Variants in LMX1B observed in about 807,000 individuals in gnomAD.
LMX1B encodes the protein LIM homeobox transcription factor 1 beta, also known as LIM homeobox transcription factor 1-beta.
A neutral mutation model predicts 51.4 loss-of-function variants in LMX1B; 12 were observed. The observed-to-expected ratio is 0.23, with a 90% CI of 0.15 to 0.38. LMX1B has a LOEUF of 0.38. Ranked by LOEUF, LMX1B falls within the 10% of genes least tolerant of loss-of-function variation. The pLI, the probability that LMX1B is intolerant of heterozygous loss-of-function variation, is 1.00. For synonymous variants in LMX1B, 237 were observed against 235.4 expected (o/e 1.01, Z -0.06); for missense variants, 445 against 571.1 (o/e 0.78, Z 2.25).
intron 2 of LMX1B, among the ~76,000 whole-genome samples, chr9:126,655,492 C>T (rs1253179813): frequency 6.6e-6 from 1 of 152,092 alleles, no homozygotes; most frequent in Admixed American, 6.5e-5. Context: ...GAGTGGAATC[C>T]CGGCTTTGTC....
intron 2 of LMX1B, among the ~76,000 whole-genome samples, chr9:126,646,583 G>T (rs932699291): frequency 2.6e-5 from 4 of 152,230 alleles, no homozygotes; most frequent in Non-Finnish European, 4.4e-5. Flanking sequence ...AGGTGGCCAG[G>T]TGCAGCCTGC....
chr9:126,669,596 T>G (rs1222356071), intron 2 of LMX1B, among the ~76,000 whole-genome samples: 2 of 152,200 alleles, frequency 1.3e-5, no homozygotes, highest in East Asian at 3.9e-4. Context: ...TGTGAGTGTA[T>G]ACCTGGGCTT....
At chr9:126,614,946 A>G (rs1006971107) in intron 1 of LMX1B, among the ~76,000 whole-genome samples, 4 of 152,078 alleles carry the variant, frequency 2.6e-5, no homozygotes, top group African/African-American at 9.7e-5. Context: ...ATTCTAAGAG[A>G]AAAACGTCTC....
Position 126,673,528 on chromosome 9 carries a change from A to C in LMX1B, c.327-17308A>C, listed in dbSNP as rs925028942. The stretch of plus-strand genomic sequence containing the variant: ...ACCATCAGGGAGGTGGAGATGGACA[A>C]GGGAACACAGATTTGGGGCCAAACA... On this transcript the variant is annotated intron_variant, in intron 2 of 7. Coordinates refer to ENST00000373474, the MANE Select transcript of LMX1B (RefSeq NM_001174147.2). This position sits in a 1 kb window ranked among gnomAD's most constrained non-coding sequence, Gnocchi z 4.4. 2.0e-5 allele frequency among the ~76,000 whole-genome samples: 3 copies of C among 152,154 alleles called. No homozygotes were observed. Among genetic ancestry groups the C allele is most frequent in the Admixed American group, 1.3e-4 (2 of 15,282 alleles).
chr9:126,615,005 A>C lies in LMX1B; in HGVS notation c.140-378A>C, dbSNP rs2118821640. Among the ~76,000 whole-genome samples, 1 of 152,254 alleles carries C rather than the reference A, an allele frequency of 6.6e-6. No individual in the cohort carries two copies. The highest frequency in any genetic ancestry group is 2.1e-4 in the South Asian group (1 of 4,832). ...TTGGGGAGATCGGGGATAGAAGACC[A>C]CGAACGCCACCGTGGGGCGTGTCAG... On this transcript the variant is annotated intron_variant, in intron 1 of 7. Transcript: ENST00000373474. This position sits in a 1 kb window ranked among gnomAD's most constrained non-coding sequence, Gnocchi z 6.0.
Position 126,658,915 on chromosome 9 carries a change from G to C in LMX1B, c.327-31921G>C, listed in dbSNP as rs372156860. ...CATGAGAAGTCCATACTGGAGGCAA[G>C]AGGCACCCAGAAGCCCCACATAGGA... On this transcript the variant is annotated intron_variant, in intron 2 of 7. Transcript: ENST00000373474. This position sits in a 1 kb window ranked among gnomAD's most constrained non-coding sequence, Gnocchi z 4.0. 2.0e-5 allele frequency among the ~76,000 whole-genome samples: 3 copies of C among 152,192 alleles called. No individual in the cohort carries two copies. Among genetic ancestry groups the C allele is most frequent in the East Asian group, 3.9e-4 (2 of 5,192 alleles).
chr9:126,647,028 CTT>C (rs1225293411), intron 2 of LMX1B, among the ~76,000 whole-genome samples: 1 of 152,216 alleles, frequency 6.6e-6, no homozygotes, highest in Admixed American at 6.5e-5. Flanking sequence ...TGAGATCACT[CTT>C]TTGACCAAAT....
In LMX1B at chr9:126,625,292, G is replaced by A. The variant is rs1196874256; in HGVS notation, c.326+9723G>A. Among the ~76,000 whole-genome samples the A allele has an allele frequency of 1.3e-5, 2 of 152,206 alleles. No individual in the cohort carries two copies. Among genetic ancestry groups the A allele is most frequent in the Non-Finnish European group, 2.9e-5 (2 of 68,048 alleles). On this transcript the variant is annotated intron_variant, in intron 2 of 7. Coordinates refer to ENST00000373474, the MANE Select transcript of LMX1B (RefSeq NM_001174147.2). This position sits in a 1 kb window ranked among gnomAD's most constrained non-coding sequence, Gnocchi z 5.3. ...GGGGCGGGGGAAGGGGTGGTTTTGCGGGTGCCTTAATTGGCAGCGTCTGGA... is the reference window on the plus strand; with the variant it reads ...GGGGCGGGGGAAGGGGTGGTTTTGCAGGTGCCTTAATTGGCAGCGTCTGGA...
intron 2 of LMX1B, among the ~76,000 whole-genome samples, chr9:126,681,758 G>T (rs552239334): frequency 6.6e-6 from 1 of 152,046 alleles, no homozygotes; most frequent in Non-Finnish European, 1.5e-5. Context: ...AAAATTAGCC[G>T]AGTGTGGTGG....
Position 126,649,787 on chromosome 9 carries a change from T to C in LMX1B, c.326+34218T>C, listed in dbSNP as rs137982979. Among the ~76,000 whole-genome samples, 1,037 of 152,230 alleles carry C rather than the reference T, an allele frequency of 6.8e-3. 4 individuals carry two copies. Among genetic ancestry groups the C allele is most frequent in the Non-Finnish European group, 0.011 (747 of 68,010 alleles). ...GACTATGGGCATATGCCACCATGCC[T>C]GGCTAATTTTTGTATTTTTGTGTAG... On this transcript the variant is annotated intron_variant, in intron 2 of 7. Coordinates refer to ENST00000373474, the MANE Select transcript of LMX1B (RefSeq NM_001174147.2).
chr9:126,629,395 A>G (rs1835594625), intron 2 of LMX1B, among the ~76,000 whole-genome samples: 2 of 152,194 alleles, frequency 1.3e-5, no homozygotes, highest in Admixed American at 6.5e-5. Context: ...CCATTCTTTA[A>G]TGACACTACG....
intron 2 of LMX1B, among the ~76,000 whole-genome samples, chr9:126,627,894 C>T (rs897050012): frequency 3.3e-5 from 5 of 152,132 alleles, no homozygotes; most frequent in African/African-American, 1.2e-4. Flanking sequence ...CTTTTGAGAA[C>T]CCTCTCCCAG....
At chr9:126,646,947 G>A (rs887638173) in intron 2 of LMX1B, among the ~76,000 whole-genome samples, 1 of 152,216 alleles carries the variant, frequency 6.6e-6, no homozygotes, top group Non-Finnish European at 1.5e-5. Context: ...GGTTCAAGGG[G>A]TCGTTAAAAG....
intron 2 of LMX1B, among the ~76,000 whole-genome samples, chr9:126,683,426 C>CGGCAGGCA (rs1352410679): frequency 6.6e-6 from 1 of 152,160 alleles, no homozygotes; most frequent in African/African-American, 2.4e-5. Flanking sequence ...GATAAGGACG[C>CGGCAGGCA]GGCAGGCACG....
chr9:126,694,117 G>GT (rs1338472875), intron 6 of LMX1B, among the ~76,000 whole-genome samples: 4 of 152,194 alleles, frequency 2.6e-5, no homozygotes, highest in Admixed American at 2.0e-4. Flanking sequence ...AGATGGCAGA[G>GT]TGGCTGCCTG....
intron 7 of LMX1B, 65 bp from the exon 8 acceptor site, chr9:126,696,229 G>A: frequency 1.3e-6 from 2 of 1,497,856 alleles, no homozygotes; most frequent in Middle Eastern, 1.7e-4. Flanking sequence ...AGCCTACAGG[G>A]CAAACAGGGG....
intron 2 of LMX1B, among the ~76,000 whole-genome samples, chr9:126,650,502 C>T (rs934893473): frequency 6.6e-6 from 1 of 152,218 alleles, no homozygotes; most frequent in African/African-American, 2.4e-5. Flanking sequence ...GCGGTGGAGG[C>T]GCTTCTGCAA....
intron 6 of LMX1B, 92 bp downstream of exon 6, chr9:126,693,904 G>A: frequency 1.5e-6 from 1 of 679,886 alleles, no homozygotes; most frequent in Non-Finnish European, 2.6e-6. Context: ...GGCAGAGGCT[G>A]GGGCTGGGTG....
intron 2 of LMX1B, among the ~76,000 whole-genome samples, chr9:126,678,288 C>T (rs1836605193): frequency 6.9e-6 from 1 of 145,814 alleles, no homozygotes; most frequent in South Asian, 2.2e-4. Flanking sequence ...CCAGCCTGGG[C>T]GACAGAGCGA....
Sources: allele counts gnomAD v4.1 joint callset (sites outside exome capture counted in the v4.1 genomes callset), GRCh38; gene constraint gnomAD v4.1.1; non-coding constraint Gnocchi (gnomAD v3.1); transcripts MANE v1.5; gene names NCBI Gene and HGNC (gene_info 2026-07-23, HGNC 2026-07-21).